MTCL1: variants seen among roughly 807,000 people sequenced by gnomAD.
MTCL1 encodes microtubule cross-linking factor 1.
A neutral mutation model predicts 141.4 loss-of-function variants in MTCL1; 79 were observed. The ratio of observed to expected loss-of-function variants is 0.56; its 90% CI spans 0.47 to 0.67. The LOEUF (loss-of-function observed/expected upper bound fraction) is 0.67. Ranked by LOEUF, MTCL1 falls within the 30% of genes least tolerant of loss-of-function variation. The pLI is 0.00. For synonymous variants in MTCL1, 914 were observed against 875.8 expected, an observed-to-expected ratio of 1.04 and a Z score of -0.77; for missense variants, 2,177 against 2,113.9, an observed-to-expected ratio of 1.03 and a Z score of -0.59.
intron 4 of MTCL1, among the ~76,000 whole-genome samples, chr18:8,748,963 G>A (rs1320561105): frequency 1.3e-5 from 2 of 152,146 alleles, no homozygotes; most frequent in African/African-American, 4.8e-5. Flanking sequence ...GACAGATGGG[G>A]TGTCCTCTGT....
chr18:8,799,414 C>T (rs777606050), intron 10 of MTCL1, among the ~76,000 whole-genome samples: 1 of 152,210 alleles, frequency 6.6e-6, no homozygotes, highest in Non-Finnish European at 1.5e-5. Flanking sequence ...ACTTCATTCT[C>T]CCTGAATAAC....
chr18:8,724,888 T>G (rs557382277), intron 4 of MTCL1, among the ~76,000 whole-genome samples: 1 of 152,198 alleles, frequency 6.6e-6, no homozygotes, highest in African/African-American at 2.4e-5. Context: ...GCTGGCATCC[T>G]GTGCCTATTC....
rs772059806 is a variant in MTCL1, at chr18:8,796,477, G to A, written c.2241+15G>A. ...AGTTCACTGAGGTAACTCCACTGTC[G>A]AATTCCTTTTATTTGCATCTGTTTT... On this transcript the variant is annotated intron_variant, in intron 9 of 16. Transcript: ENST00000359865. 2.0e-5 allele frequency: 32 copies of A among 1,612,766 alleles called. No homozygotes were observed. In the East Asian group the frequency reaches 4.0e-4, roughly 20 times the overall value.
intron 4 of MTCL1, among the ~76,000 whole-genome samples, chr18:8,743,953 G>A (rs189483655): frequency 1.3e-5 from 2 of 152,322 alleles, no homozygotes; most frequent in African/African-American, 4.8e-5. Flanking sequence ...TCTTACATTT[G>A]CATAGTTGAG....
chr18:8,770,041 A>T (rs1022861780), intron 4 of MTCL1, among the ~76,000 whole-genome samples: 3 of 152,134 alleles, frequency 2.0e-5, no homozygotes, highest in African/African-American at 7.2e-5. Context: ...GGATGAGAAA[A>T]ATTGGCAATT....
intron 1 of MTCL1, among the ~76,000 whole-genome samples, chr18:8,709,897 T>G (rs1307022045): frequency 1.3e-5 from 2 of 152,218 alleles, no homozygotes; most frequent in African/African-American, 4.8e-5. Context: ...TGGAATGCAG[T>G]GGCGTGATCT....
chr18:8,812,320 AGTGTTT>A (rs1325494752), intron 11 of MTCL1, among the ~76,000 whole-genome samples: 1 of 151,920 alleles, frequency 6.6e-6, no homozygotes, highest in East Asian at 1.9e-4. Flanking sequence ...TTTGCTGAAA[AGTGTTT>A]TCCTTCTTTT....
chr18:8,825,226 C>G, exon 15 of MTCL1: 1 of 1,597,234 alleles, frequency 6.3e-7, no homozygotes. Flanking sequence ...AGCAGGTGGC[C>G]TTGCACCTCC....
rs560076626 is a variant in MTCL1, at chr18:8,734,230, A to G, written c.357+13734A>G. Among the ~76,000 whole-genome samples, 3 of 151,930 alleles carry G rather than the reference A, an allele frequency of 2.0e-5. No individual in the cohort carries two copies. The South Asian group carries it at 6.3e-4, about 32-fold the overall frequency. On this transcript the variant is annotated intron_variant, in intron 4 of 16. Coordinates refer to ENST00000359865, the Ensembl canonical transcript of MTCL1. ...CACCCCCCCTCCCCAATTTGTGGCA[A>G]TCAAGAACTCTTTTCCTCCTCCAAC...
chr18:8,736,977 A>G (rs1405179728), intron 4 of MTCL1, among the ~76,000 whole-genome samples: 1 of 152,116 alleles, frequency 6.6e-6, no homozygotes, highest in East Asian at 1.9e-4. Flanking sequence ...GATAAGCCCT[A>G]TTATGCAAAT....
Position 8,756,479 on chromosome 18 carries a change from ATG to A in MTCL1, c.358-21348_358-21347del, listed in dbSNP as rs1428643757. ...TGTATATATGTGTATATGTGTGTAT[ATG>A]TGTGTATATATGTATATATGTGTGT... On this transcript the variant is annotated intron_variant, in intron 4 of 16. Transcript: ENST00000359865. 3.3e-5 allele frequency among the ~76,000 whole-genome samples: 5 copies of A among 151,006 alleles called. No homozygotes were observed. The South Asian group carries it at 8.3e-4, about 25-fold the overall frequency.
intron 4 of MTCL1, among the ~76,000 whole-genome samples, chr18:8,766,475 C>G (rs1407058189): frequency 2.0e-5 from 3 of 152,174 alleles, no homozygotes; most frequent in Non-Finnish European, 4.4e-5. Flanking sequence ...ATAGCTTTAG[C>G]TGTTGAAAGG....
chr18:8,727,849 T>C (rs932976917), intron 4 of MTCL1, among the ~76,000 whole-genome samples: 2 of 115,560 alleles, frequency 1.7e-5, no homozygotes, highest in African/African-American at 9.1e-5. Context: ...CCCTGCTTGC[T>C]CCTTCTCTCT....
upstream of MTCL1, among the ~76,000 whole-genome samples, chr18:8,713,104 C>T (rs1462228136): frequency 6.6e-6 from 1 of 152,142 alleles, no homozygotes; most frequent in Non-Finnish European, 1.5e-5. Flanking sequence ...TACTCTAGTG[C>T]ACACCTGGTA....
chr18:8,767,710 C>T (rs1041212780), intron 4 of MTCL1, among the ~76,000 whole-genome samples: 2 of 151,520 alleles, frequency 1.3e-5, no homozygotes, highest in Admixed American at 1.3e-4. Context: ...TTGCATTACG[C>T]TAGGTCAATT....
At chr18:8,803,588 T>C (rs2076195100) in intron 10 of MTCL1, among the ~76,000 whole-genome samples, 1 of 152,200 alleles carries the variant, frequency 6.6e-6, no homozygotes, top group African/African-American at 2.4e-5. Context: ...TGGCAGGAGC[T>C]TGCCTGGCTT....
At chr18:8,766,352 A>G (rs913311497) in intron 4 of MTCL1, among the ~76,000 whole-genome samples, 7 of 151,538 alleles carry the variant, frequency 4.6e-5, no homozygotes, top group Non-Finnish European at 1.0e-4. Flanking sequence ...GAGGTCTGGG[A>G]GAAAGGAGCA....
intron 4 of MTCL1, among the ~76,000 whole-genome samples, chr18:8,770,643 G>A (rs1030823999): frequency 8.5e-5 from 13 of 152,152 alleles, no homozygotes; most frequent in Non-Finnish European, 1.9e-4. Flanking sequence ...AGGAATTTGG[G>A]GAGACACAAA....
intron 7 of MTCL1, among the ~76,000 whole-genome samples, chr18:8,790,477 C>T (rs536964234): frequency 3.0e-4 from 46 of 152,306 alleles, no homozygotes; most frequent in Admixed American, 1.0e-3. Flanking sequence ...GGCAGGAGAG[C>T]AGCCTAGGTG....
Sources: gnomAD v4.1 joint callset for allele counts (sites outside exome capture counted in the v4.1 genomes callset) on GRCh38, gnomAD v4.1.1 for gene constraint, MANE v1.5 for transcripts, NCBI Gene and HGNC (gene_info 2026-07-23, HGNC 2026-07-21) for gene names.